The following GPR158 variants were observed in gnomAD, a reference collection of about 807,000 sequenced individuals.
GPR158 encodes G protein-coupled receptor 158.
A neutral mutation model predicts 78.2 loss-of-function variants in GPR158; 30 were observed. That is an observed-to-expected ratio of 0.38 (90% CI 0.29 to 0.52). The LOEUF is 0.52. GPR158 is among the 20% of genes least tolerant of loss of function. GPR158 has a pLI of 0.83. For synonymous variants in GPR158, 581 were observed against 591.1 expected, an observed-to-expected ratio of 0.98 and a Z score of 0.25; for missense variants, 1,463 against 1,523.5, an observed-to-expected ratio of 0.96 and a Z score of 0.66.
intron 2 of GPR158, among the ~76,000 whole-genome samples, chr10:25,249,372 G>C (rs533687973): frequency 6.6e-6 from 1 of 152,158 alleles, no homozygotes; most frequent in African/African-American, 2.4e-5. Flanking sequence ...GTGAGGGAGG[G>C]CATCCCTGTC....
intron 7 of GPR158, among the ~76,000 whole-genome samples, chr10:25,577,908 A>G (rs1447772881): frequency 6.6e-6 from 1 of 152,248 alleles, no homozygotes; most frequent in Non-Finnish European, 1.5e-5. Context: ...ACATTGCTAC[A>G]TGGACACTGG....
chr10:25,399,238 C>T (rs1834409397), intron 3 of GPR158, among the ~76,000 whole-genome samples: 1 of 152,102 alleles, frequency 6.6e-6, no homozygotes, highest in Non-Finnish European at 1.5e-5. Context: ...GGGGAAACTG[C>T]TCTCATGATT....
chr10:25,432,109 A>G (rs193094765), intron 4 of GPR158, among the ~76,000 whole-genome samples: 10 of 152,332 alleles, frequency 6.6e-5, no homozygotes, highest in Non-Finnish European at 1.5e-4. Context: ...ATATAGTAGC[A>G]AGGAATTAGC....
intron 5 of GPR158, among the ~76,000 whole-genome samples, chr10:25,543,444 T>C (rs1423339677): frequency 6.6e-6 from 1 of 152,176 alleles, no homozygotes; most frequent in African/African-American, 2.4e-5. Context: ...AAAAACTCGA[T>C]GCCTTGAGTA....
chr10:25,287,091 T>G (rs1854361324), intron 2 of GPR158, among the ~76,000 whole-genome samples: 1 of 152,190 alleles, frequency 6.6e-6, no homozygotes, highest in Admixed American at 6.5e-5. Context: ...GACTCATTTC[T>G]TAGGGTTATG....
At chr10:25,199,793 A>G (rs1852896983) in intron 1 of GPR158, among the ~76,000 whole-genome samples, 1 of 152,170 alleles carries the variant, frequency 6.6e-6, no homozygotes, top group Non-Finnish European at 1.5e-5. Flanking sequence ...CAGTGAGTCA[A>G]TTAAGCCTCT....
Position 25,470,329 on chromosome 10 carries a change from T to C in GPR158, c.1404+3610T>C, listed in dbSNP as rs184512945. 3.9e-5 allele frequency among the ~76,000 whole-genome samples: 6 copies of C among 152,284 alleles called. No individual in the cohort carries two copies. The East Asian group carries it at 1.2e-3, about 29-fold the overall frequency. ...TTCGGAGGTGTTTAGAGCCCTCATG[T>C]ATGGGTGAATGCCCTTAACATGTAA... On this transcript the variant is annotated intron_variant, in intron 5 of 10. Coordinates refer to ENST00000376351, the MANE Select transcript of GPR158 (RefSeq NM_020752.3).
At chr10:25,224,739 A>G (rs998773497) in intron 2 of GPR158, among the ~76,000 whole-genome samples, 4 of 152,144 alleles carry the variant, frequency 2.6e-5, no homozygotes, top group African/African-American at 9.7e-5. Flanking sequence ...TAAATTGTCA[A>G]CTATGTTTGC....
At chr10:25,258,798 A>G (rs1181140872) in intron 2 of GPR158, among the ~76,000 whole-genome samples, 2 of 152,196 alleles carry the variant, frequency 1.3e-5, no homozygotes, top group Non-Finnish European at 1.5e-5. Flanking sequence ...GAAAATTTAC[A>G]TGTAACTTTC....
At chr10:25,339,276 C>T (rs1019774288) in intron 2 of GPR158, among the ~76,000 whole-genome samples, 1 of 151,994 alleles carries the variant, frequency 6.6e-6, no homozygotes, top group Non-Finnish European at 1.5e-5. Context: ...CATCAGCCAC[C>T]AGGCCTAGCT....
intron 2 of GPR158, among the ~76,000 whole-genome samples, chr10:25,300,997 G>A (rs972441645): frequency 2.6e-5 from 4 of 152,124 alleles, no homozygotes; most frequent in Admixed American, 2.0e-4. Context: ...GACTAATGTG[G>A]TGTCTTATTG....
In GPR158 at chr10:25,597,778, C is replaced by G; in HGVS notation, c.2152C>G (p.Leu718Val). ...TTTGCTTTTGTTCTGGCAGGACGAG[C>G]TGAAAAAACTCTATGCCCAACTGGA... is the stretch of plus-strand genomic sequence containing the variant. ...SLDPEDIRDE[L>V]KKLYAQLEIY... The change falls in exon 11 of 11, where the codon CTG (leucine) becomes GTG (valine). Residue 718 changes from leucine to valine, a missense_variant. Physicochemically the swap from Leu to Val is conservative, Grantham distance 32 (BLOSUM62 1). Transcript: ENST00000376351. The G allele has an allele frequency of 6.7e-7, 1 of 1,498,374 alleles. No individual in the cohort carries two copies. The highest frequency in any genetic ancestry group is 8.9e-7 in the Non-Finnish European group (1 of 1,124,716). The allele number at this position is 1,498,374 out of a possible 1,614,324, so 92.8% of individuals were successfully genotyped here.
At chr10:25,281,021 G>A (rs976600541) in intron 2 of GPR158, among the ~76,000 whole-genome samples, 2 of 151,720 alleles carry the variant, frequency 1.3e-5, no homozygotes, top group South Asian at 4.2e-4. Flanking sequence ...TGTAATCTCA[G>A]ATACTGGAGA....
chr10:25,251,350 G>A (rs1853795983), intron 2 of GPR158, among the ~76,000 whole-genome samples: 1 of 150,868 alleles, frequency 6.6e-6, no homozygotes, highest in Admixed American at 6.6e-5. Flanking sequence ...ATGTGATCCT[G>A]TCATTATGAT....
chr10:25,270,309 G>T (rs1013576514), intron 2 of GPR158, among the ~76,000 whole-genome samples: 2 of 152,142 alleles, frequency 1.3e-5, no homozygotes, highest in African/African-American at 2.4e-5. Context: ...ATGGTCTTCT[G>T]TTTCACCTGA....
chr10:25,466,641 GT>G lies in GPR158; in HGVS notation c.1336-4del, dbSNP rs559918974. ...AAGTTAGTAATGACGTTTTTATTTT[GT>G]TTTTTCAGAGCATCCGGGCATCGGG... On this transcript the variant is annotated splice_polypyrimidine_tract_variant and intron_variant, in intron 4 of 10. Transcript: ENST00000376351. 9 of 1,587,234 alleles carry G rather than the reference GT, an allele frequency of 5.7e-6. No individual in the cohort carries two copies. In the South Asian group the frequency reaches 6.8e-5, roughly 12 times the overall value.
At chr10:25,584,991 G>A (rs1837247740) in intron 7 of GPR158, among the ~76,000 whole-genome samples, 2 of 152,176 alleles carry the variant, frequency 1.3e-5, no homozygotes. Context: ...GCTAGAGCTA[G>A]GTGTTTGCCT....
chr10:25,463,945 G>A (rs1462435272), intron 4 of GPR158, among the ~76,000 whole-genome samples: 9 of 152,146 alleles, frequency 5.9e-5, no homozygotes, highest in Admixed American at 5.9e-4. Flanking sequence ...TCTCTTCTCT[G>A]TCCTAAAATC....
At chr10:25,332,117 G>GC (rs1564424527) in intron 2 of GPR158, among the ~76,000 whole-genome samples, 1 of 151,904 alleles carries the variant, frequency 6.6e-6, no homozygotes, top group African/African-American at 2.4e-5. Flanking sequence ...AATCACCTGG[G>GC]GGGGGGCGAA....
Sources: gnomAD v4.1 joint callset for allele counts (sites outside exome capture counted in the v4.1 genomes callset) on GRCh38, gnomAD v4.1.1 for gene constraint, MANE v1.5 for transcripts, NCBI Gene and HGNC (gene_info 2026-07-23, HGNC 2026-07-21) for gene names.